BICD1: variants seen among roughly 807,000 people sequenced by gnomAD.
BICD1 encodes the protein BICD cargo adaptor 1, also known as protein bicaudal D homolog 1.
BICD1 carries 35 observed loss-of-function variants against 92.5 expected under a neutral mutation model. That is an observed-to-expected ratio of 0.38 (90% CI 0.29 to 0.50). The LOEUF is 0.50. Among genes scored for constraint, BICD1 ranks in the 20% least tolerant of loss-of-function variants. The probability of loss-of-function intolerance (pLI) is 0.93; values close to 1 mark genes in which losing one functional copy is unlikely to be tolerated. For missense variants in BICD1, 950 were observed against 1,189.8 expected (o/e 0.80, Z 2.97); for synonymous variants, 429 against 465.1 (o/e 0.92, Z 1.00).
rs370907481 is a variant in BICD1, at chr12:32,116,510, C to CTATATATATATATA, written c.213+8972_213+8985dup. ...TCTCTCTTTCTCTCTCTCTCTCTCT[C>CTATATATATATATA]TATATATATATATATATATGTAATT... On this transcript the variant is annotated intron_variant, in intron 1 of 9. Coordinates refer to ENST00000652176, the MANE Select transcript of BICD1 (RefSeq NM_001714.4). Among the ~76,000 whole-genome samples the CTATATATATATATA allele has an allele frequency of 2.6e-4, 27 of 104,386 alleles. No homozygotes were observed. In the East Asian group the frequency reaches 2.9e-3, roughly 11 times the overall value. 68.5% of individuals were successfully genotyped at this position (104,386 alleles called of 152,430 possible).
chr12:32,151,838 C>T (rs1290376089), intron 1 of BICD1, among the ~76,000 whole-genome samples: 1 of 152,218 alleles, frequency 6.6e-6, no homozygotes, highest in African/African-American at 2.4e-5. Flanking sequence ...TCCCTACCCC[C>T]AGTTTCCCTT....
rs143929515 is a variant in BICD1, at chr12:32,311,750, A to C, written c.1005+5628A>C. Reference sequence around the variant, plus strand: ...GAGAGCAGGTTGTAAAATGTTTCTTATTGCACTTAGAAGGGTGCCTGGCTC... The same window carrying C: ...GAGAGCAGGTTGTAAAATGTTTCTTCTTGCACTTAGAAGGGTGCCTGGCTC... On this transcript the variant is annotated intron_variant, in intron 4 of 9. Transcript: ENST00000652176. 4.0e-3 allele frequency among the ~76,000 whole-genome samples: 605 copies of C among 152,260 alleles called. 5 individuals are homozygous for C. The highest frequency in any genetic ancestry group is 0.014 in the African/African-American group (573 of 41,544).
chr12:32,274,155 G>A (rs11051892), intron 2 of BICD1, among the ~76,000 whole-genome samples: 4,988 of 152,196 alleles, frequency 0.033, 274 homozygotes, highest in African/African-American at 0.11. Flanking sequence ...GTAAGAGGTA[G>A]AAAAAAATTG....
intron 1 of BICD1, among the ~76,000 whole-genome samples, chr12:32,155,888 T>A (rs1345433338): frequency 6.6e-6 from 1 of 152,222 alleles, no homozygotes; most frequent in Middle Eastern, 3.2e-3. Flanking sequence ...TCAGGCAAGA[T>A]GTACCAGGCC....
intron 1 of BICD1, among the ~76,000 whole-genome samples, chr12:32,118,370 C>A (rs981264187): frequency 3.3e-5 from 5 of 152,012 alleles, no homozygotes; most frequent in Non-Finnish European, 7.4e-5. Flanking sequence ...TGTGAGCCAC[C>A]GAGCCTGGCC....
At chr12:32,262,571 G>T (rs1272632302) in intron 2 of BICD1, among the ~76,000 whole-genome samples, 3 of 152,204 alleles carry the variant, frequency 2.0e-5, no homozygotes, top group Non-Finnish European at 2.9e-5. Context: ...TGGAATAAGG[G>T]TCTTTGCCAA....
chr12:32,335,304 C>T (rs1938061060), intron 6 of BICD1, among the ~76,000 whole-genome samples: 1 of 152,074 alleles, frequency 6.6e-6, no homozygotes, highest in South Asian at 2.1e-4. Flanking sequence ...GCACCTGCCA[C>T]CACGCCCGGC....
intron 1 of BICD1, among the ~76,000 whole-genome samples, chr12:32,163,978 T>A (rs888859658): frequency 4.6e-5 from 7 of 152,204 alleles, no homozygotes; most frequent in Non-Finnish European, 5.9e-5. Context: ...ATTTTTTTTT[T>A]ATTTTCTGTT....
chr12:32,118,633 G>T (rs1204423625), intron 1 of BICD1, among the ~76,000 whole-genome samples: 1 of 152,176 alleles, frequency 6.6e-6, no homozygotes, highest in Non-Finnish European at 1.5e-5. Context: ...GAGGATGTGT[G>T]TAGGTTACAT....
At chr12:32,356,117 G>C (rs759576996) in intron 8 of BICD1, among the ~76,000 whole-genome samples, 14 of 152,082 alleles carry the variant, frequency 9.2e-5, no homozygotes, top group Non-Finnish European at 1.6e-4. Flanking sequence ...ACTCAGAGCT[G>C]CATGCTTTCA....
chr12:32,354,269 C>T (rs1001350270), intron 8 of BICD1: 2 of 152,210 alleles, frequency 1.3e-5, no homozygotes, highest in Non-Finnish European at 1.5e-5. Context: ...CTCTACTTAG[C>T]AAGGCATGCT....
chr12:32,190,603 C>T (rs1944538645), intron 1 of BICD1, among the ~76,000 whole-genome samples: 1 of 152,138 alleles, frequency 6.6e-6, no homozygotes, highest in South Asian at 2.1e-4. Context: ...ACATAAAGCA[C>T]ATATTAACAG....
chr12:32,367,415 T>C (rs538988405), intron 8 of BICD1: 157 of 345,046 alleles, frequency 4.6e-4, no homozygotes, highest in Non-Finnish European at 7.4e-4. Context: ...TGGCCACATA[T>C]ATCCTAATGT....
In BICD1 at chr12:32,153,781, A is replaced by ATATG. The variant is rs757425877; in HGVS notation, c.213+46238_213+46239insATGT. On this transcript the variant is annotated intron_variant, in intron 1 of 9. Coordinates refer to ENST00000652176, the MANE Select transcript of BICD1 (RefSeq NM_001714.4). ...TATATGTGTGTGTACATATATATAT[A>ATATG]TGTGTGTGTGTGTGTGTATATATGT... is the stretch of plus-strand genomic sequence containing the variant. Among the ~76,000 whole-genome samples, 55 of 148,288 alleles carry ATATG rather than the reference A, an allele frequency of 3.7e-4. No individual in the cohort carries two copies. The South Asian group carries it at 8.6e-3, about 23-fold the overall frequency.
intron 1 of BICD1, 106 bp downstream of exon 1, chr12:32,107,650 T>A: frequency 8.0e-7 from 1 of 1,246,634 alleles, no homozygotes; most frequent in Non-Finnish European, 1.1e-6. Context: ...AAAGGACTGT[T>A]TTTTCTTCTA....
chr12:32,338,634 A>G (rs1336923627), intron 7 of BICD1, 152 bp from the exon 8 acceptor site: 1 of 631,950 alleles, frequency 1.6e-6, no homozygotes, highest in Non-Finnish European at 2.5e-6. Flanking sequence ...CCTGATGTGG[A>G]AACTAAAAAA....
chr12:32,348,777 T>C (rs1592707482), intron 8 of BICD1, among the ~76,000 whole-genome samples: 1 of 65,000 alleles, frequency 1.5e-5, no homozygotes. Context: ...TATATATATA[T>C]ATCAGCAGGC....
At chr12:32,291,269 G>A (rs1316849215) in intron 2 of BICD1, among the ~76,000 whole-genome samples, 1 of 152,166 alleles carries the variant, frequency 6.6e-6, no homozygotes, top group African/African-American at 2.4e-5. Flanking sequence ...GGGTGTAGTG[G>A]CTCACGCTTA....
intron 2 of BICD1, among the ~76,000 whole-genome samples, chr12:32,277,819 GA>G (rs1202448689): frequency 2.6e-5 from 4 of 151,964 alleles, no homozygotes; most frequent in Non-Finnish European, 5.9e-5. Context: ...TTGCTGTCTT[GA>G]ATACCTTCTC....
Sources: gnomAD v4.1 joint callset for allele counts (sites outside exome capture counted in the v4.1 genomes callset) on GRCh38, gnomAD v4.1.1 for gene constraint, MANE v1.5 for transcripts, NCBI Gene and HGNC (gene_info 2026-07-23, HGNC 2026-07-21) for gene names.